SLC24A3: variants seen among roughly 807,000 people sequenced by gnomAD.
The protein encoded by SLC24A3 is sodium/potassium/calcium exchanger 3.
In SLC24A3, 28 loss-of-function variants were observed where a neutral mutation model predicts 75.8. That is an observed-to-expected ratio of 0.37 (90% CI 0.27 to 0.51). SLC24A3 has a LOEUF of 0.51. Among genes scored for constraint, SLC24A3 ranks in the 20% least tolerant of loss-of-function variants. SLC24A3 has a pLI of 0.94. For missense variants in SLC24A3, 663 were observed against 847.8 expected, an observed-to-expected ratio of 0.78 and a Z score of 2.71; for synonymous variants, 372 against 334.1, an observed-to-expected ratio of 1.11 and a Z score of -1.24.
At chr20:19,432,013 A>G (rs1200385855) in intron 2 of SLC24A3, among the ~76,000 whole-genome samples, 1 of 152,158 alleles carries the variant, frequency 6.6e-6, no homozygotes, top group African/African-American at 2.4e-5. Flanking sequence ...AGGTAAGTTG[A>G]GTGACTCAGG....
intron 2 of SLC24A3, among the ~76,000 whole-genome samples, chr20:19,344,629 A>G (rs1190780960): frequency 6.6e-6 from 1 of 152,194 alleles, no homozygotes; most frequent in Non-Finnish European, 1.5e-5. Context: ...GACACTGCAG[A>G]CAGTATACCA....
chr20:19,559,544 C>T (rs1006119171), intron 3 of SLC24A3, among the ~76,000 whole-genome samples: 4 of 151,848 alleles, frequency 2.6e-5, no homozygotes, highest in Non-Finnish European at 5.9e-5. Flanking sequence ...TTTGTGTGTT[C>T]TATGTAATAA....
chr20:19,394,045 T>C (rs59566078), intron 2 of SLC24A3, among the ~76,000 whole-genome samples: 4,550 of 152,264 alleles, frequency 0.03, 237 homozygotes, highest in African/African-American at 0.1. Context: ...AGCCCATATA[T>C]TAACCCTCAC....
chr20:19,456,025 C>T (rs1600236712), intron 2 of SLC24A3, among the ~76,000 whole-genome samples: 1 of 152,282 alleles, frequency 6.6e-6, no homozygotes, highest in East Asian at 1.9e-4. Flanking sequence ...TAAGTACATC[C>T]CACCCAGGAA....
intron 2 of SLC24A3, among the ~76,000 whole-genome samples, chr20:19,426,586 T>C (rs752177316): frequency 6.6e-6 from 1 of 152,274 alleles, no homozygotes; most frequent in Non-Finnish European, 1.5e-5. Flanking sequence ...TCACAAATAA[T>C]GCTGTGGTCA....
chr20:19,644,075 A>G (rs1371684287), intron 6 of SLC24A3, among the ~76,000 whole-genome samples: 2 of 152,172 alleles, frequency 1.3e-5, no homozygotes, highest in African/African-American at 4.8e-5. Flanking sequence ...CATCTTAAAC[A>G]GGGTTGCTGC....
chr20:19,573,843 G>T (rs553520589), intron 3 of SLC24A3, among the ~76,000 whole-genome samples: 5 of 152,282 alleles, frequency 3.3e-5, no homozygotes, highest in East Asian at 1.9e-4. Context: ...TTATTACTTA[G>T]AACAAGATTG....
chr20:19,313,366 G>A (rs1169779927), intron 2 of SLC24A3, among the ~76,000 whole-genome samples: 5 of 152,100 alleles, frequency 3.3e-5, no homozygotes, highest in African/African-American at 1.2e-4. Flanking sequence ...CTTCTTTCTG[G>A]CCAAGGGAGA....
At chr20:19,613,598 C>T (rs1212471756) in intron 6 of SLC24A3, among the ~76,000 whole-genome samples, 3 of 152,226 alleles carry the variant, frequency 2.0e-5, no homozygotes, top group African/African-American at 7.2e-5. Flanking sequence ...CTGGGCGTCA[C>T]TTCCACCTAT....
At chr20:19,246,921 TAAGAAA>T (rs747483296) in intron 1 of SLC24A3, among the ~76,000 whole-genome samples, 160 of 152,296 alleles carry the variant, frequency 1.1e-3, no homozygotes, top group Admixed American at 1.8e-3. Context: ...AATTATCAAT[TAAGAAA>T]TAATAAAAGC....
chr20:19,282,117 A>G (rs1172321539), intron 2 of SLC24A3, among the ~76,000 whole-genome samples: 1 of 152,184 alleles, frequency 6.6e-6, no homozygotes, highest in Non-Finnish European at 1.5e-5. Flanking sequence ...ATTGCAGCCC[A>G]AACAACTACA....
chr20:19,269,749 G>A lies in SLC24A3; in HGVS notation c.143-11210G>A, dbSNP rs141114393. On this transcript the variant is annotated intron_variant, in intron 1 of 16. Transcript: ENST00000328041. ...CTGACACAGATGCCCCCTGTTGCCT[G>A]AGAAACGTGGTTCATTTCACTCTCC... Among the ~76,000 whole-genome samples, 111 of 146,716 alleles carry A rather than the reference G, an allele frequency of 7.6e-4. 2 individuals are homozygous for A. Among genetic ancestry groups the A allele is most frequent in the African/African-American group, 2.7e-3 (106 of 39,176 alleles).
At chr20:19,324,574 C>T (rs974086641) in intron 2 of SLC24A3, among the ~76,000 whole-genome samples, 8 of 152,194 alleles carry the variant, frequency 5.3e-5, no homozygotes, top group East Asian at 1.9e-4. Flanking sequence ...GCCTCAGCCA[C>T]GCTTCTCACT....
intron 6 of SLC24A3, among the ~76,000 whole-genome samples, chr20:19,611,823 G>T (rs1330448170): frequency 6.6e-6 from 1 of 152,190 alleles, no homozygotes; most frequent in African/African-American, 2.4e-5. Context: ...GCATGGCTGA[G>T]TCTAACACTG....
intron 14 of SLC24A3, chr20:19,697,538 T>C (rs2032824344): frequency 6.6e-6 from 1 of 152,338 alleles, no homozygotes; most frequent in Non-Finnish European, 1.5e-5. Context: ...GATCCTTCCC[T>C]CCTTCAAAGC....
At chr20:19,261,496 C>T (rs1982986217) in intron 1 of SLC24A3, among the ~76,000 whole-genome samples, 1 of 151,894 alleles carries the variant, frequency 6.6e-6, no homozygotes, top group African/African-American at 2.4e-5. Context: ...TGCATCACCA[C>T]ATTCAGCTAT....
In SLC24A3 at chr20:19,468,512, C is replaced by T. The variant is rs144529553; in HGVS notation, c.272-46976C>T. The stretch of plus-strand genomic sequence containing the variant: ...GATTTGGTGGAGAAGGTGAAAATCT[C>T]GTCACTCCTATTTTCTTCCAAATAT... On this transcript the variant is annotated intron_variant, in intron 2 of 16. Coordinates refer to ENST00000328041, the MANE Select transcript of SLC24A3 (RefSeq NM_020689.4). Among the ~76,000 whole-genome samples the T allele has an allele frequency of 9.9e-5, 15 of 152,194 alleles. No individual in the cohort carries two copies. The East Asian group carries it at 2.5e-3, about 26-fold the overall frequency.
chr20:19,266,772 G>A (rs535581332), intron 1 of SLC24A3, among the ~76,000 whole-genome samples: 2 of 152,182 alleles, frequency 1.3e-5, no homozygotes, highest in Non-Finnish European at 2.9e-5. Context: ...CAGAGCCTGA[G>A]GCAAGGCATA....
intron 15 of SLC24A3, 127 bp downstream of exon 15, chr20:19,698,807 C>A: frequency 1.4e-6 from 1 of 723,252 alleles, no homozygotes. Flanking sequence ...GAGGGGGAAA[C>A]AAATTCTCCT....
Sources: allele counts gnomAD v4.1 joint callset (sites outside exome capture counted in the v4.1 genomes callset), GRCh38; gene constraint gnomAD v4.1.1; transcripts MANE v1.5; gene names NCBI Gene and HGNC (gene_info 2026-07-23, HGNC 2026-07-21).